MITF: variants seen among roughly 807,000 people sequenced by gnomAD.
The protein encoded by MITF is melanocyte inducing transcription factor.
A neutral mutation model predicts 60.5 loss-of-function variants in MITF; 17 were observed. The ratio of observed to expected loss-of-function variants is 0.28; its 90% confidence interval spans 0.19 to 0.42. The LOEUF (loss-of-function observed/expected upper bound fraction) is 0.42. MITF is among the 10% of genes least tolerant of loss of function. The pLI, the probability that MITF is intolerant of heterozygous loss-of-function variation, is 1.00. For missense variants in MITF, 622 were observed against 683.5 expected (o/e 0.91, Z 1.00); for synonymous variants, 260 against 248.5 (o/e 1.05, Z -0.43).
At chr3:69,832,361 G>T (rs1487651566) in intron 1 of MITF, among the ~76,000 whole-genome samples, 1 of 152,182 alleles carries the variant, frequency 6.6e-6, no homozygotes, top group African/African-American at 2.4e-5. Flanking sequence ...TTTTCTCAGG[G>T]TTATGCAGGT....
intron 1 of MITF, among the ~76,000 whole-genome samples, chr3:69,828,069 A>G (rs755397023): frequency 1.3e-5 from 2 of 152,144 alleles, no homozygotes; most frequent in Non-Finnish European, 2.9e-5. Flanking sequence ...AGTTGGCCCA[A>G]GGTATGATTA....
chr3:69,747,681 T>C (rs1475400540), intron 1 of MITF, among the ~76,000 whole-genome samples: 1 of 152,228 alleles, frequency 6.6e-6, no homozygotes. Flanking sequence ...GTTTTCCTAA[T>C]GTTGAGTGAG....
intron 1 of MITF, among the ~76,000 whole-genome samples, chr3:69,838,929 C>T (rs2063581956): frequency 6.6e-6 from 1 of 152,144 alleles, no homozygotes; most frequent in Non-Finnish European, 1.5e-5. Context: ...GATTGAGCTG[C>T]AGCCCTTCAT....
At chr3:69,788,198 A>G (rs1480477788) in intron 1 of MITF, among the ~76,000 whole-genome samples, 1 of 150,520 alleles carries the variant, frequency 6.6e-6, no homozygotes, top group Non-Finnish European at 1.5e-5. Flanking sequence ...GGTTTGTTAC[A>G]TATGTATACA....
intron 1 of MITF, among the ~76,000 whole-genome samples, chr3:69,810,785 G>A (rs1272061337): frequency 6.6e-6 from 1 of 152,180 alleles, no homozygotes; most frequent in East Asian, 1.9e-4. Flanking sequence ...CATGGGACTG[G>A]TGCTTAACAC....
At chr3:69,813,188 A>G (rs1328931118) in intron 1 of MITF, among the ~76,000 whole-genome samples, 1 of 152,198 alleles carries the variant, frequency 6.6e-6, no homozygotes, top group Admixed American at 6.5e-5. Context: ...CTCATTCCTT[A>G]ATGTTACTCT....
chr3:69,779,157 A>G (rs1393274506), intron 1 of MITF: 1 of 152,202 alleles, frequency 6.6e-6, no homozygotes. Flanking sequence ...GTTTTAGCTA[A>G]CAGTCATTCT....
chr3:69,773,442 C>T (rs531760973), intron 1 of MITF, among the ~76,000 whole-genome samples: 1 of 152,272 alleles, frequency 6.6e-6, no homozygotes, highest in Non-Finnish European at 1.5e-5. Flanking sequence ...AAACAGGGGT[C>T]TGTGAATTTG....
intron 1 of MITF, among the ~76,000 whole-genome samples, chr3:69,747,698 A>G (rs1012632786): frequency 2.0e-5 from 3 of 152,214 alleles, no homozygotes; most frequent in African/African-American, 7.2e-5. Flanking sequence ...TGAGTCAGAG[A>G]TTCATGCTTG....
chr3:69,855,924 C>T (rs756649172), intron 1 of MITF, among the ~76,000 whole-genome samples: 8 of 152,102 alleles, frequency 5.3e-5, no homozygotes, highest in African/African-American at 1.2e-4. Flanking sequence ...TATCAACAAA[C>T]GCAGCATGTA....
intron 1 of MITF, among the ~76,000 whole-genome samples, chr3:69,780,159 C>A (rs2062540519): frequency 1.3e-5 from 2 of 152,080 alleles, no homozygotes; most frequent in South Asian, 4.2e-4. Context: ...CAGGGCAATG[C>A]AACTGAAGGA....
chr3:69,902,268 A>C (rs1231780587), intron 2 of MITF, among the ~76,000 whole-genome samples: 1 of 151,188 alleles, frequency 6.6e-6, no homozygotes, highest in Admixed American at 6.6e-5. Flanking sequence ...TTGCATCCTT[A>C]TTTATTTTTC....
intron 7 of MITF, among the ~76,000 whole-genome samples, chr3:69,953,089 T>C (rs574035745): frequency 2.0e-5 from 3 of 152,286 alleles, no homozygotes; most frequent in East Asian, 3.9e-4. Flanking sequence ...GTGCTGGTTT[T>C]TACTTTAAAA....
chr3:69,894,754 T>A (rs953319073), intron 2 of MITF, among the ~76,000 whole-genome samples: 3 of 152,226 alleles, frequency 2.0e-5, no homozygotes, highest in Non-Finnish European at 4.4e-5. Flanking sequence ...GTTTAATTTT[T>A]TTATTCATTT....
intron 1 of MITF, among the ~76,000 whole-genome samples, chr3:69,876,442 C>T (rs1035996329): frequency 6.6e-6 from 1 of 152,012 alleles, no homozygotes; most frequent in African/African-American, 2.4e-5. Flanking sequence ...CCATGCCCCT[C>T]ATCACAGCTC....
Position 69,835,025 on chromosome 3 carries a change from T to TTC in MITF, c.105-44108_105-44107insCT, listed in dbSNP as rs1477768598. On this transcript the variant is annotated intron_variant, in intron 1 of 9. Transcript: ENST00000352241. ...AGCTTGCTCTTTTACCTTTTTTTTT[T>TTC]TTTTTTTTTTTTTGGCAAAGTCTCA... 1.4e-3 allele frequency among the ~76,000 whole-genome samples: 196 copies of TTC among 140,780 alleles called. 1 individual carries two copies. The highest frequency in any genetic ancestry group is 4.9e-3 in the African/African-American group (186 of 38,142). 92.4% of individuals were successfully genotyped at this position (140,780 alleles called of 152,430 possible). A position where few individuals can be genotyped will look rare whatever the true frequency, so the allele number is the denominator to read the frequency against.
chr3:69,957,397 G>A (rs2066425630), intron 8 of MITF, among the ~76,000 whole-genome samples: 1 of 152,194 alleles, frequency 6.6e-6, no homozygotes, highest in African/African-American at 2.4e-5. Context: ...TAAATTTGCT[G>A]TTCACGTTAC....
At chr3:69,785,289 C>T (rs1304659883) in intron 1 of MITF, among the ~76,000 whole-genome samples, 1 of 152,112 alleles carries the variant, frequency 6.6e-6, no homozygotes, top group African/African-American at 2.4e-5. Context: ...GCAGCAGCAG[C>T]AGCAGTAATT....
chr3:69,898,808 G>A (rs182074083), intron 2 of MITF, among the ~76,000 whole-genome samples: 240 of 152,276 alleles, frequency 1.6e-3, no homozygotes, highest in Non-Finnish European at 2.6e-3. Context: ...GGGAATGGCT[G>A]GAGCTGGTAA....
Sources: gnomAD v4.1 joint callset for allele counts (sites outside exome capture counted in the v4.1 genomes callset) on GRCh38, gnomAD v4.1.1 for gene constraint, MANE v1.5 for transcripts, NCBI Gene and HGNC (gene_info 2026-07-23, HGNC 2026-07-21) for gene names.